Variants in MAP2K5 observed in about 807,000 individuals in gnomAD.
MAP2K5 encodes the protein mitogen-activated protein kinase kinase 5.
MAP2K5 carries 49 observed loss-of-function variants against 83.1 expected under a neutral mutation model. That is an observed-to-expected ratio of 0.59 (90% CI 0.47 to 0.75). The LOEUF (loss-of-function observed/expected upper bound fraction) is 0.75, where lower values mean the gene tolerates loss of function less well. Among genes scored for constraint, MAP2K5 ranks in the 30% least tolerant of loss-of-function variants. The pLI, the probability that MAP2K5 is intolerant of heterozygous loss-of-function variation, is 0.00. For synonymous variants in MAP2K5, 202 were observed against 191.8 expected, an observed-to-expected ratio of 1.05 and a Z score of -0.44; for missense variants, 457 against 557.5, an observed-to-expected ratio of 0.82 and a Z score of 1.82.
At chr15:67,579,309 G>A (rs1398401395) in intron 3 of MAP2K5, among the ~76,000 whole-genome samples, 1 of 152,190 alleles carries the variant, frequency 6.6e-6, no homozygotes, top group African/African-American at 2.4e-5. Flanking sequence ...CAGACTACTT[G>A]TTAACAGTTA....
chr15:67,797,988 T>C (rs1353468231), intron 21 of MAP2K5, among the ~76,000 whole-genome samples: 7 of 152,106 alleles, frequency 4.6e-5, no homozygotes, highest in Non-Finnish European at 8.8e-5. Flanking sequence ...CGGCCTAAAA[T>C]GTTTTCTTAC....
At chr15:67,554,241 T>C (rs1224247775) in intron 2 of MAP2K5, among the ~76,000 whole-genome samples, 1 of 152,068 alleles carries the variant, frequency 6.6e-6, no homozygotes. Context: ...GTATATTTTG[T>C]AGAGATGGGC....
In MAP2K5 at chr15:67,640,798, A is replaced by G. The variant is rs1216483661; in HGVS notation, c.586-5433A>G. Among the ~76,000 whole-genome samples, 2 of 152,230 alleles carry G rather than the reference A, an allele frequency of 1.3e-5. No individual in the cohort carries two copies. The highest frequency in any genetic ancestry group is 2.4e-5 in the African/African-American group (1 of 41,470). On this transcript the variant is annotated intron_variant, in intron 9 of 21. Coordinates refer to ENST00000178640, the MANE Select transcript of MAP2K5 (RefSeq NM_145160.3). This position sits in a 1 kb window ranked among gnomAD's most constrained non-coding sequence, Gnocchi z 4.6. Reference sequence around the variant, plus strand: ...TTTTAGACTTCTGAGGTAGGAATATATTACAAGATATTTTTAAAAGAAGTT... The same window carrying G: ...TTTTAGACTTCTGAGGTAGGAATATGTTACAAGATATTTTTAAAAGAAGTT...
chr15:67,574,407 A>G (rs182655157), intron 3 of MAP2K5, among the ~76,000 whole-genome samples: 146 of 152,074 alleles, frequency 9.6e-4, no homozygotes, highest in Non-Finnish European at 1.6e-3. Flanking sequence ...CCCCATCTCT[A>G]CTAAAAATAC....
In MAP2K5 at chr15:67,719,541, A is replaced by G. The variant is rs1168056456; in HGVS notation, c.1045-8375A>G. ...CACAGGAAGATGTAGAACACTGGGA[A>G]CTGTCACCAGGAAGGATGTGATACA... On this transcript the variant is annotated intron_variant, in intron 16 of 21. Transcript: ENST00000178640. This position sits in a 1 kb window ranked among gnomAD's most constrained non-coding sequence, Gnocchi z 4.6. Among the ~76,000 whole-genome samples, 2 of 152,238 alleles carry G rather than the reference A, an allele frequency of 1.3e-5. No homozygotes were observed. Among genetic ancestry groups the G allele is most frequent in the Non-Finnish European group, 2.9e-5 (2 of 68,044 alleles).
intron 4 of MAP2K5, among the ~76,000 whole-genome samples, chr15:67,584,672 CTTTTTTTT>C (rs36111747): frequency 4.7e-5 from 5 of 106,102 alleles, no homozygotes; most frequent in African/African-American, 8.0e-5. Flanking sequence ...ATATCTTCTC[CTTTTTTTT>C]TTTTTTTTTT....
intron 9 of MAP2K5, chr15:67,642,350 G>T (rs12911125): frequency 0.014 from 18,221 of 1,291,686 alleles, 162 homozygotes; most frequent in Non-Finnish European, 0.016. Flanking sequence ...ATAGAAAAAT[G>T]TACAAGACTC....
At chr15:67,607,473 T>C (rs1267352064) in intron 8 of MAP2K5, among the ~76,000 whole-genome samples, 2 of 152,202 alleles carry the variant, frequency 1.3e-5, no homozygotes, top group African/African-American at 4.8e-5. Flanking sequence ...CACCTCTCCA[T>C]GTTCCTGTAA....
chr15:67,646,492 C>G (rs757916602), intron 11 of MAP2K5, 23 bp downstream of exon 11: 3 of 1,386,102 alleles, frequency 2.2e-6, no homozygotes, highest in Admixed American at 1.9e-5. Flanking sequence ...TTTTATAATA[C>G]TTTTAAAATG....
intron 3 of MAP2K5, among the ~76,000 whole-genome samples, chr15:67,569,856 G>C (rs1488525656): frequency 6.6e-6 from 1 of 152,192 alleles, no homozygotes; most frequent in Non-Finnish European, 1.5e-5. Flanking sequence ...GTTCCGCTTA[G>C]CCTATTTATA....
intron 16 of MAP2K5, among the ~76,000 whole-genome samples, chr15:67,716,848 G>A (rs1415055627): frequency 6.6e-6 from 1 of 152,054 alleles, no homozygotes; most frequent in Non-Finnish European, 1.5e-5. Flanking sequence ...AAGCTATTTG[G>A]TATTCATTAT....
chr15:67,642,563 T>C, intron 9 of MAP2K5: 1 of 912,836 alleles, frequency 1.1e-6, no homozygotes, highest in Middle Eastern at 2.1e-4. Context: ...GTTTTTTCAA[T>C]CAGTGCCTGG....
chr15:67,586,002 C>G, intron 5 of MAP2K5, 72 bp downstream of exon 5: 1 of 1,339,992 alleles, frequency 7.5e-7, no homozygotes, highest in Non-Finnish European at 1.1e-6. Context: ...ATTGAAATGT[C>G]AAATAAAACT....
intron 15 of MAP2K5, among the ~76,000 whole-genome samples, chr15:67,697,575 T>C (rs571458127): frequency 8.5e-5 from 13 of 152,360 alleles, no homozygotes; most frequent in East Asian, 7.7e-4. Flanking sequence ...CTGCTCACTC[T>C]ATATATCCAG....
intron 11 of MAP2K5, among the ~76,000 whole-genome samples, chr15:67,647,474 C>T (rs1325076105): frequency 1.3e-5 from 2 of 152,002 alleles, no homozygotes; most frequent in Non-Finnish European, 2.9e-5. Flanking sequence ...AAACAGGGCA[C>T]GGTGGTTCAC....
chr15:67,589,806 TG>T, intron 6 of MAP2K5, among the ~76,000 whole-genome samples: 1 of 151,966 alleles, frequency 6.6e-6, no homozygotes, highest in African/African-American at 2.4e-5. Context: ...TGTGTGTGTG[TG>T]TGTGTGTGTA....
chr15:67,778,615 G>C lies in MAP2K5; in HGVS notation c.1242+5863G>C, dbSNP rs1423431006. 6.6e-6 allele frequency among the ~76,000 whole-genome samples: 1 copy of C among 152,200 alleles called. No homozygotes were observed. The highest frequency in any genetic ancestry group is 6.5e-5 in the Admixed American group (1 of 15,280). The stretch of plus-strand genomic sequence containing the variant: ...CAGCAAGTCTTAGAGAAGTCACGAG[G>C]AAAGATGGAAAAGGATCTTACCTCT... On this transcript the variant is annotated intron_variant, in intron 21 of 21. Coordinates refer to ENST00000178640, the MANE Select transcript of MAP2K5 (RefSeq NM_145160.3). This position sits in a 1 kb window ranked among gnomAD's most constrained non-coding sequence, Gnocchi z 5.0.
At chr15:67,624,646 T>TGTGTGTG (rs2086272737) in intron 8 of MAP2K5, among the ~76,000 whole-genome samples, 1 of 149,612 alleles carries the variant, frequency 6.7e-6, no homozygotes, top group East Asian at 2.0e-4. Flanking sequence ...TGTGAGTGTG[T>TGTGTGTG]TTGACGGAGT....
Position 67,775,813 on chromosome 15 carries a change from GTATCTC to G in MAP2K5, c.1242+3062_1242+3067del. On this transcript the variant is annotated intron_variant, in intron 21 of 21. Transcript: ENST00000178640. The surrounding 1 kb of genome is among the most constrained non-coding windows in gnomAD (Gnocchi z 5.3). ...GAAACAGGATGGGCAAAGCATGAGTGTATCTCGGTTTCAGACATTTTCAGAGCAATG... is the reference window on the plus strand; with the variant it reads ...GAAACAGGATGGGCAAAGCATGAGTGGGTTTCAGACATTTTCAGAGCAATG... 6.6e-6 allele frequency among the ~76,000 whole-genome samples: 1 copy of G among 152,220 alleles called. No individual in the cohort carries two copies. The highest frequency in any genetic ancestry group is 1.5e-5 in the Non-Finnish European group (1 of 68,028).
Sources: allele counts gnomAD v4.1 joint callset (sites outside exome capture counted in the v4.1 genomes callset), GRCh38; gene constraint gnomAD v4.1.1; non-coding constraint Gnocchi (gnomAD v3.1); transcripts MANE v1.5; gene names NCBI Gene and HGNC (gene_info 2026-07-23, HGNC 2026-07-21).